The following BANP variants were observed in gnomAD, a reference collection of about 807,000 sequenced individuals.
BANP encodes protein BANP.
A neutral mutation model predicts 68.1 loss-of-function variants in BANP; 11 were observed. The observed-to-expected ratio is 0.16, with a 90% CI of 0.10 to 0.27. The LOEUF (loss-of-function observed/expected upper bound fraction) is 0.27, where lower values mean the gene tolerates loss of function less well. Ranked by LOEUF, BANP falls within the 10% of genes least tolerant of loss-of-function variation. The pLI is 1.00. For missense variants in BANP, 504 were observed against 722.7 expected, an observed-to-expected ratio of 0.70 and a Z score of 3.47; for synonymous variants, 329 against 303.2, an observed-to-expected ratio of 1.09 and a Z score of -0.88.
intron 4 of BANP, among the ~76,000 whole-genome samples, chr16:87,995,009 C>T (rs1394036123): frequency 1.3e-5 from 2 of 148,338 alleles, no homozygotes; most frequent in Non-Finnish European, 3.0e-5. Context: ...ATGCCTGAGC[C>T]TTCTATCATG....
At chr16:88,027,957 C>G (rs1384168677) in intron 8 of BANP, among the ~76,000 whole-genome samples, 2 of 152,234 alleles carry the variant, frequency 1.3e-5, no homozygotes, top group African/African-American at 2.4e-5. Flanking sequence ...GGCTGCCGGC[C>G]GTTGTATTCT....
At chr16:88,069,966 C>G (rs1345073264) in intron 12 of BANP, among the ~76,000 whole-genome samples, 1 of 152,208 alleles carries the variant, frequency 6.6e-6, no homozygotes, top group African/African-American at 2.4e-5. Context: ...CCTCTTCCCC[C>G]CAGCCCCAGT....
intron 6 of BANP, among the ~76,000 whole-genome samples, chr16:88,016,630 C>G (rs757826567): frequency 6.6e-6 from 1 of 152,196 alleles, no homozygotes; most frequent in East Asian, 1.9e-4. Flanking sequence ...GTAGAATCCC[C>G]GGAAGCTGGA....
In BANP at chr16:88,076,770, G is replaced by T. The variant is rs1478918758; in HGVS notation, c.*109G>T. On this transcript the variant is annotated 3_prime_UTR_variant, in exon 14 of 14. Coordinates refer to ENST00000682872, the MANE Select transcript of BANP (RefSeq NM_001386991.1). ...AGGCAGCGGCTGCACGTGTTCTGCTGAAGTGCGTCTGAAGGCCGCTGCCTC... is the reference window on the plus strand; with the variant it reads ...AGGCAGCGGCTGCACGTGTTCTGCTTAAGTGCGTCTGAAGGCCGCTGCCTC... 2.2e-6 allele frequency: 2 copies of T among 909,822 alleles called. No homozygotes were observed. The highest frequency in any genetic ancestry group is 2.9e-5 in the Admixed American group (1 of 34,110). 56.4% of individuals were successfully genotyped at this position (909,822 alleles called of 1,614,324 possible).
intron 10 of BANP, among the ~76,000 whole-genome samples, chr16:88,035,744 C>G (rs377311598): frequency 3.3e-5 from 5 of 152,238 alleles, no homozygotes; most frequent in African/African-American, 1.2e-4. Flanking sequence ...GAGATGGGGT[C>G]TGCCCCTGCG....
At chr16:87,983,047 T>C (rs943119356) in intron 3 of BANP, among the ~76,000 whole-genome samples, 1 of 152,050 alleles carries the variant, frequency 6.6e-6, no homozygotes, top group African/African-American at 2.4e-5. Context: ...GCTGCCTCAG[T>C]GCCACCCCTG....
intron 11 of BANP, among the ~76,000 whole-genome samples, chr16:88,049,652 G>A (rs1327909926): frequency 6.6e-6 from 1 of 152,196 alleles, no homozygotes. Context: ...GGCTGTGGGA[G>A]TTAGGGGCCA....
chr16:88,031,666 A>C (rs2078201943), intron 8 of BANP, among the ~76,000 whole-genome samples: 2 of 151,874 alleles, frequency 1.3e-5, no homozygotes, highest in South Asian at 4.1e-4. Flanking sequence ...AAAAAAAAGA[A>C]ACCCAACATT....
chr16:88,065,253 C>G lies in BANP; in HGVS notation c.1312-14C>G. On this transcript the variant is annotated splice_polypyrimidine_tract_variant and intron_variant, in intron 11 of 13. Transcript: ENST00000682872. ...GAGGCTCCAGGGGAAAATTCGTTTT[C>G]TTGCCTTTTCCAGCTTCTAGAGGCC... The G allele has an allele frequency of 1.3e-6, 1 of 742,800 alleles. No homozygotes were observed. The highest frequency in any genetic ancestry group is 1.4e-5 in the South Asian group (1 of 71,522). 46.0% of individuals were successfully genotyped at this position (742,800 alleles called of 1,614,324 possible).
chr16:88,055,891 G>A lies in BANP; in HGVS notation c.1312-9376G>A, dbSNP rs116563129. Among the ~76,000 whole-genome samples, 419 of 152,336 alleles carry A rather than the reference G, an allele frequency of 2.8e-3. 2 individuals are homozygous for A. The highest frequency in any genetic ancestry group is 9.4e-3 in the African/African-American group (390 of 41,596). ...TAGGGAATTAATCTCTTATGGAGAA[G>A]CCTTCTCTACCAGAAATGGTGGAAA... On this transcript the variant is annotated intron_variant, in intron 11 of 13. Coordinates refer to ENST00000682872, the MANE Select transcript of BANP (RefSeq NM_001386991.1).
rs1468415368 is a variant in BANP at position 88,026,212 on chromosome 16, G to A, written c.896-1271G>A. On this transcript the variant is annotated intron_variant, in intron 7 of 13. Transcript: ENST00000682872. The stretch of plus-strand genomic sequence containing the variant: ...TGTGCACGGTGAGCCCCAGGAAGAC[G>A]ATGCACCTGGCTTTGGCCCCACAGT... Among the ~76,000 whole-genome samples the A allele has an allele frequency of 3.3e-5, 5 of 152,234 alleles. No individual in the cohort carries two copies. In the East Asian group the frequency reaches 5.8e-4, roughly 18 times the overall value.
At chr16:87,965,071 G>C (rs902934564) in intron 1 of BANP, among the ~76,000 whole-genome samples, 1 of 152,174 alleles carries the variant, frequency 6.6e-6, no homozygotes, top group African/African-American at 2.4e-5. Flanking sequence ...GAGCCGCTGG[G>C]TCAGTGCTGG....
rs1001798562 is a variant in BANP, at chr16:88,075,047, G to A, written c.1522-1543G>A. Among the ~76,000 whole-genome samples the A allele has an allele frequency of 3.3e-5, 5 of 151,990 alleles. 1 individual carries two copies. The highest frequency in any genetic ancestry group is 4.2e-4 in the South Asian group (2 of 4,816). On this transcript the variant is annotated intron_variant, in intron 13 of 13. Coordinates refer to ENST00000682872, the MANE Select transcript of BANP (RefSeq NM_001386991.1). ...AGCGAGACCCCCATCTCTACAAAACGTAAAAAAATTAGCTGGGGCCGGGCA... is the reference window on the plus strand; with the variant it reads ...AGCGAGACCCCCATCTCTACAAAACATAAAAAAATTAGCTGGGGCCGGGCA...
chr16:87,967,324 C>T (rs1425446168), intron 1 of BANP, among the ~76,000 whole-genome samples: 1 of 146,428 alleles, frequency 6.8e-6, no homozygotes, highest in Non-Finnish European at 1.5e-5. Flanking sequence ...AGCCAGGCCG[C>T]TCTCCAACTC....
intron 8 of BANP, among the ~76,000 whole-genome samples, chr16:88,030,037 A>G (rs2077815108): frequency 6.6e-6 from 1 of 152,252 alleles, no homozygotes; most frequent in Non-Finnish European, 1.5e-5. Flanking sequence ...CAGTCGCTGC[A>G]CTAGCAGGCC....
At position 88,036,351 on chromosome 16, in the gene BANP, T is replaced by G. The variant is rs2079352889; in HGVS notation, c.1272+957T>G. On this transcript the variant is annotated intron_variant, in intron 10 of 13. Transcript: ENST00000682872. This position sits in a 1 kb window ranked among gnomAD's most constrained non-coding sequence, Gnocchi z 4.2. ...CTGAGGTCAAGGGGACTCATGGAGA[T>G]GTTGGCGTGCGAGGCCTCCTGGGAG... Among the ~76,000 whole-genome samples the G allele has an allele frequency of 6.6e-6, 1 of 152,166 alleles. No homozygotes were observed.
Position 88,072,227 on chromosome 16 carries a change from C to G in BANP, c.1521+15C>G, listed in dbSNP as rs761838766. On this transcript the variant is annotated intron_variant, in intron 13 of 13. Coordinates refer to ENST00000682872, the MANE Select transcript of BANP (RefSeq NM_001386991.1). Reference sequence around the variant, plus strand: ...CCGGGGCACAGGTGAGTCTGGGGCCCCGCGCCGGGACACTGAAGTGATGGC... The same window carrying G: ...CCGGGGCACAGGTGAGTCTGGGGCCGCGCGCCGGGACACTGAAGTGATGGC... The G allele has an allele frequency of 6.2e-7, 1 of 1,601,562 alleles. No individual in the cohort carries two copies. Among genetic ancestry groups the G allele is most frequent in the Admixed American group, 1.7e-5 (1 of 58,836 alleles).
At chr16:88,027,408 G>A (rs576688152) in intron 7 of BANP, 75 bp from the exon 8 acceptor site, 16 of 1,561,358 alleles carry the variant, frequency 1.0e-5, no homozygotes, top group South Asian at 5.7e-5. Flanking sequence ...AGCGGGCCCC[G>A]GCCCTGCAGC....
intron 13 of BANP, among the ~76,000 whole-genome samples, chr16:88,075,013 G>A (rs571366305): frequency 6.6e-6 from 1 of 152,234 alleles, no homozygotes; most frequent in East Asian, 1.9e-4. Context: ...AGACCAGCCT[G>A]GGCAACGTAG....
Sources: allele counts gnomAD v4.1 joint callset (sites outside exome capture counted in the v4.1 genomes callset), GRCh38; gene constraint gnomAD v4.1.1; non-coding constraint Gnocchi (gnomAD v3.1); transcripts MANE v1.5; gene names NCBI Gene and HGNC (gene_info 2026-07-23, HGNC 2026-07-21).